The following TRPM6 variants were observed in gnomAD, a reference collection of about 807,000 sequenced individuals.
TRPM6 encodes the protein channel kinase 2.
TRPM6 carries 111 observed loss-of-function variants against 247.6 expected under a neutral mutation model. That is an observed-to-expected ratio of 0.45 (90% CI 0.38 to 0.52). The LOEUF (loss-of-function observed/expected upper bound fraction) is 0.52, where lower values mean the gene tolerates loss of function less well. Ranked by LOEUF, TRPM6 falls within the 20% of genes least tolerant of loss-of-function variation. The pLI is 0.00. For missense variants in TRPM6, 2,126 were observed against 2,421.5 expected (o/e 0.88, Z 2.56); for synonymous variants, 892 against 853.8 (o/e 1.04, Z -0.78).
At chr9:74,739,280 A>T in intron 35 of TRPM6, 87 bp downstream of exon 35, 1 of 1,248,836 alleles carries the variant, frequency 8.0e-7, no homozygotes, top group Non-Finnish European at 1.2e-6. Flanking sequence ...TTCCCCATGG[A>T]TAAGATTTCT....
chr9:74,788,765 C>A, intron 19 of TRPM6, 23 bp from the exon 20 acceptor site: 1 of 1,612,636 alleles, frequency 6.2e-7, no homozygotes, highest in South Asian at 1.1e-5. Context: ...CACACATTCC[C>A]CAGATGTGAG....
chr9:74,742,434 C>G, intron 33 of TRPM6, 127 bp downstream of exon 33: 1 of 859,770 alleles, frequency 1.2e-6, no homozygotes, highest in East Asian at 2.6e-5. Context: ...AAATGAATCT[C>G]ACTAAACTAC....
At chr9:74,771,331 C>T (rs542009854) in intron 25 of TRPM6, among the ~76,000 whole-genome samples, 39 of 152,334 alleles carry the variant, frequency 2.6e-4, no homozygotes, top group Non-Finnish European at 3.5e-4. Flanking sequence ...CTTTTACTGC[C>T]TGATAATAAA....
rs117139846 is a variant in TRPM6, at chr9:74,877,725, G to A, written c.33+10099C>T. Among the ~76,000 whole-genome samples the A allele has an allele frequency of 2.7e-4, 41 of 152,252 alleles. No homozygotes were observed. In the East Asian group the frequency reaches 4.8e-3, roughly 18 times the overall value. On this transcript the variant is annotated intron_variant, in intron 1 of 38. Coordinates refer to ENST00000360774, the MANE Select transcript of TRPM6 (RefSeq NM_017662.5). ...TTTAAAAATGCCCTGAGGAAAGGCA[G>A]CCTCATTTAAAGCCACCAGCTGGAG...
chr9:74,854,850 T>A (rs1830474447), intron 3 of TRPM6, among the ~76,000 whole-genome samples: 1 of 152,246 alleles, frequency 6.6e-6, no homozygotes, highest in East Asian at 1.9e-4. Context: ...GGTTTTGTTT[T>A]TGCTTTTGTA....
chr9:74,781,536 C>CAAAAAAAA (rs35938872), intron 23 of TRPM6, among the ~76,000 whole-genome samples: 15 of 93,508 alleles, frequency 1.6e-4, no homozygotes, highest in Admixed American at 5.1e-4. Context: ...GACTCTATCT[C>CAAAAAAAA]AAAAAAAAAA....
intron 3 of TRPM6, among the ~76,000 whole-genome samples, chr9:74,852,800 T>C (rs1035631666): frequency 6.6e-6 from 1 of 152,190 alleles, no homozygotes; most frequent in African/African-American, 2.4e-5. Context: ...GTGCTCAATG[T>C]TGCCCAGGCT....
chr9:74,828,272 C>T (rs2118061467), intron 6 of TRPM6, among the ~76,000 whole-genome samples: 1 of 152,256 alleles, frequency 6.6e-6, no homozygotes, highest in South Asian at 2.1e-4. Context: ...AGGAGAATTG[C>T]TTGAACCCGG....
intron 24 of TRPM6, among the ~76,000 whole-genome samples, chr9:74,772,201 C>A (rs1439847138): frequency 1.3e-5 from 2 of 152,160 alleles, no homozygotes; most frequent in African/African-American, 4.8e-5. Flanking sequence ...ATGGCTTGAG[C>A]CTGGGAGGTC....
intron 8 of TRPM6, 86 bp downstream of exon 8, chr9:74,821,583 G>A: frequency 6.9e-7 from 1 of 1,454,756 alleles, no homozygotes. Context: ...AAGAATATCT[G>A]GCTCACATAA....
At chr9:74,835,387 T>C (rs1219703747) in intron 5 of TRPM6, among the ~76,000 whole-genome samples, 2 of 152,168 alleles carry the variant, frequency 1.3e-5, no homozygotes, top group Non-Finnish European at 2.9e-5. Context: ...TGAATGTTTT[T>C]TTTATGCCTA....
intron 3 of TRPM6, among the ~76,000 whole-genome samples, chr9:74,854,270 C>T (rs575234275): frequency 2.0e-5 from 3 of 152,162 alleles, no homozygotes; most frequent in African/African-American, 4.8e-5. Flanking sequence ...AATATGTTCA[C>T]GTTAGTTGTC....
chr9:74,758,515 C>T (rs764421556), intron 27 of TRPM6, among the ~76,000 whole-genome samples: 1 of 151,992 alleles, frequency 6.6e-6, no homozygotes, highest in Non-Finnish European at 1.5e-5. Context: ...TGTAAAATAA[C>T]AAAATCAAAA....
intron 1 of TRPM6, among the ~76,000 whole-genome samples, chr9:74,871,545 G>GTA (rs1440256479): frequency 6.6e-6 from 1 of 152,118 alleles, no homozygotes; most frequent in African/African-American, 2.4e-5. Context: ...ACCTGGTCAT[G>GTA]TATATATATG....
chr9:74,864,791 G>A (rs181452766), intron 1 of TRPM6, among the ~76,000 whole-genome samples: 4 of 152,252 alleles, frequency 2.6e-5, no homozygotes, highest in Admixed American at 2.6e-4. Flanking sequence ...CTTGGAATGA[G>A]GCCTGGTGCA....
At chr9:74,848,410 T>C (rs895577410) in intron 3 of TRPM6, among the ~76,000 whole-genome samples, 3 of 152,198 alleles carry the variant, frequency 2.0e-5, no homozygotes, top group African/African-American at 4.8e-5. Context: ...GACAAAGGAA[T>C]GATTCGTGTC....
intron 18 of TRPM6, among the ~76,000 whole-genome samples, chr9:74,795,883 GAAT>G (rs1828080065): frequency 6.6e-6 from 1 of 152,250 alleles, no homozygotes; most frequent in South Asian, 2.1e-4. Context: ...TTCAGCTCCA[GAAT>G]AATGGCTTTC....
rs1425472453 is a variant in TRPM6 at position 74,724,476 on chromosome 9, A to G, written c.*137T>C. The G allele has an allele frequency of 3.9e-6, 5 of 1,286,584 alleles. No homozygotes were observed. The highest frequency in any genetic ancestry group is 4.5e-6 in the Non-Finnish European group (4 of 893,998). The allele number at this position is 1,286,584 out of a possible 1,614,324, so 79.7% of individuals were successfully genotyped here. On this transcript the variant is annotated 3_prime_UTR_variant, in exon 39 of 39. Transcript: ENST00000360774. ...TGATCATATACCAATGAGGCCTTTG[A>G]ACAGAAGGAGATGTGAGGCTCAGAA...
intron 17 of TRPM6, among the ~76,000 whole-genome samples, chr9:74,797,228 C>G (rs545499732): frequency 6.6e-6 from 1 of 152,200 alleles, no homozygotes; most frequent in African/African-American, 2.4e-5. Context: ...TTAAAAAGAC[C>G]AAGGCAATGT....
Sources: gnomAD v4.1 joint callset for allele counts (sites outside exome capture counted in the v4.1 genomes callset) on GRCh38, gnomAD v4.1.1 for gene constraint, MANE v1.5 for transcripts, NCBI Gene and HGNC (gene_info 2026-07-23, HGNC 2026-07-21) for gene names.